The following OPCML variants were observed in gnomAD, a reference collection of about 807,000 sequenced individuals.
The protein encoded by OPCML is opioid-binding protein/cell adhesion molecule.
In OPCML, 13 loss-of-function variants were observed where a neutral mutation model predicts 37.8. The observed-to-expected ratio is 0.34, with a 90% CI of 0.22 to 0.55. OPCML has a LOEUF of 0.55. OPCML is among the 20% of genes least tolerant of loss of function. The pLI is 0.91. For synonymous variants in OPCML, 176 were observed against 168.8 expected, an observed-to-expected ratio of 1.04 and a Z score of -0.33; for missense variants, 341 against 435.6, an observed-to-expected ratio of 0.78 and a Z score of 1.93.
chr11:133,457,221 C>G (rs867248952), intron 1 of OPCML, among the ~76,000 whole-genome samples: 6 of 152,098 alleles, frequency 3.9e-5, no homozygotes, highest in African/African-American at 4.8e-5. Flanking sequence ...AGATGCTAAA[C>G]GTTTTCTTAA....
chr11:133,007,170 C>G (rs1390253236), intron 1 of OPCML: 1 of 985,422 alleles, frequency 1.0e-6, no homozygotes, highest in South Asian at 4.7e-5. Flanking sequence ...CAGATTGTGG[C>G]CTTGGGGACT....
At chr11:132,896,052 C>A (rs1943829196) in intron 2 of OPCML, among the ~76,000 whole-genome samples, 2 of 152,212 alleles carry the variant, frequency 1.3e-5, no homozygotes, top group Middle Eastern at 6.9e-3. Context: ...ACCCTCAGAG[C>A]CGAGGTCCTC....
At chr11:132,429,034 G>GGATGGAT in intron 7 of OPCML, among the ~76,000 whole-genome samples, 1 of 146,580 alleles carries the variant, frequency 6.8e-6, no homozygotes, top group African/African-American at 2.5e-5. Flanking sequence ...AATGGATGGA[G>GGATGGAT]GGATGGATGG....
intron 1 of OPCML, among the ~76,000 whole-genome samples, chr11:133,358,617 A>T (rs973359706): frequency 6.6e-6 from 1 of 152,208 alleles, no homozygotes; most frequent in Non-Finnish European, 1.5e-5. Flanking sequence ...ACAAGGATGC[A>T]AATAAACTCT....
intron 1 of OPCML, chr11:133,117,712 A>G (rs1202526937): frequency 4.7e-6 from 4 of 858,880 alleles, no homozygotes; most frequent in Non-Finnish European, 5.6e-6. Flanking sequence ...CAAAATAAAA[A>G]AAGTATTATC....
chr11:132,992,722 C>T (rs977988365), intron 1 of OPCML, among the ~76,000 whole-genome samples: 1 of 152,106 alleles, frequency 6.6e-6, no homozygotes, highest in Non-Finnish European at 1.5e-5. Context: ...GATTAAAGGG[C>T]AAAAATGACA....
intron 3 of OPCML, among the ~76,000 whole-genome samples, chr11:132,596,026 T>A (rs1400087394): frequency 6.6e-6 from 1 of 152,194 alleles, no homozygotes; most frequent in Non-Finnish European, 1.5e-5. Flanking sequence ...ATCAGTTAGA[T>A]CTGGATACTG....
Position 133,211,586 on chromosome 11 carries a change from G to A in OPCML, c.62-268576C>T, listed in dbSNP as rs1448733114. The stretch of plus-strand genomic sequence containing the variant: ...TAACTATGCTTTGGCATCAACAGTG[G>A]AACATGGTTTCCTAGAAGGGAGCTG... On this transcript the variant is annotated intron_variant, in intron 1 of 7. Transcript: ENST00000524381. The surrounding 1 kb of genome is among the most constrained non-coding windows in gnomAD (Gnocchi z 4.1). Among the ~76,000 whole-genome samples, 1 of 152,152 alleles carries A rather than the reference G, an allele frequency of 6.6e-6. No individual in the cohort carries two copies. Among genetic ancestry groups the A allele is most frequent in the African/African-American group, 2.4e-5 (1 of 41,444 alleles).
intron 1 of OPCML, among the ~76,000 whole-genome samples, chr11:133,265,738 G>C (rs557781443): frequency 4.6e-5 from 7 of 152,134 alleles, no homozygotes; most frequent in African/African-American, 1.7e-4. Context: ...CGCTGCCGGC[G>C]CTCCTCCCAG....
At chr11:132,975,332 T>C (rs1463631256) in intron 1 of OPCML, among the ~76,000 whole-genome samples, 11 of 150,930 alleles carry the variant, frequency 7.3e-5, no homozygotes, top group African/African-American at 2.7e-4. Flanking sequence ...TCTGATGAAG[T>C]GACATTTCAT....
intron 2 of OPCML, among the ~76,000 whole-genome samples, chr11:132,765,674 G>A (rs58386304): frequency 0.012 from 1,757 of 152,296 alleles, 32 homozygotes; most frequent in African/African-American, 0.039. Flanking sequence ...TGAGGAATAT[G>A]AGTGTGATGG....
intron 2 of OPCML, among the ~76,000 whole-genome samples, chr11:132,682,018 T>C (rs1403283193): frequency 6.6e-6 from 1 of 151,920 alleles, no homozygotes; most frequent in South Asian, 2.1e-4. Flanking sequence ...ATCTGTGATG[T>C]GGCTGGCAAA....
intron 3 of OPCML, among the ~76,000 whole-genome samples, chr11:132,538,450 T>G (rs2096346691): frequency 6.6e-6 from 1 of 152,198 alleles, no homozygotes; most frequent in Admixed American, 6.5e-5. Flanking sequence ...AGCTTCCTAT[T>G]GGAATTATAA....
intron 2 of OPCML, among the ~76,000 whole-genome samples, chr11:132,904,128 G>C (rs1944154581): frequency 6.6e-6 from 1 of 152,154 alleles, no homozygotes; most frequent in Non-Finnish European, 1.5e-5. Flanking sequence ...GAGGAGAAGA[G>C]ATGGACTCAC....
chr11:132,762,585 G>A lies in OPCML; in HGVS notation c.147-105266C>T, dbSNP rs560026944. Among the ~76,000 whole-genome samples the A allele has an allele frequency of 2.2e-4, 33 of 152,264 alleles. No homozygotes were observed. The South Asian group carries it at 4.4e-3, about 20-fold the overall frequency. ...TTGCAGTGGGTTCCACACCAAGTTCGAACTTCCTGGTGGCTTTGTTTACAC... is the reference window on the plus strand; with the variant it reads ...TTGCAGTGGGTTCCACACCAAGTTCAAACTTCCTGGTGGCTTTGTTTACAC... On this transcript the variant is annotated intron_variant, in intron 2 of 7. Transcript: ENST00000524381.
chr11:132,564,033 C>G (rs1433702911), intron 3 of OPCML, among the ~76,000 whole-genome samples: 1 of 152,160 alleles, frequency 6.6e-6, no homozygotes, highest in East Asian at 1.9e-4. Context: ...ACTCACTGGT[C>G]CCTTTTATGG....
At chr11:132,470,645 T>C (rs2136957842) in intron 4 of OPCML, among the ~76,000 whole-genome samples, 1 of 152,296 alleles carries the variant, frequency 6.6e-6, no homozygotes, top group Admixed American at 6.5e-5. Flanking sequence ...CTCATGTCTG[T>C]TGAGTACCCC....
rs569037227 is a variant in OPCML, at chr11:133,417,853, T to C, written c.61+114411A>G. On this transcript the variant is annotated intron_variant, in intron 1 of 7. Coordinates refer to ENST00000524381, the MANE Select transcript of OPCML (RefSeq NM_001012393.5). ...TAAGAAAAATGTGAAAAAGTGGTAA[T>C]TGAGGTCCAGAGAAAGAAATATGTA... Among the ~76,000 whole-genome samples, 4 of 152,176 alleles carry C rather than the reference T, an allele frequency of 2.6e-5. 1 individual carries two copies. In the South Asian group the frequency reaches 6.2e-4, roughly 24 times the overall value.
At chr11:133,007,289 G>A in intron 1 of OPCML, 2 of 985,318 alleles carry the variant, frequency 2.0e-6, no homozygotes, top group Non-Finnish European at 2.4e-6. Context: ...TTATGCTGTT[G>A]CAGGATACAG....
Sources: gnomAD v4.1 joint callset for allele counts (sites outside exome capture counted in the v4.1 genomes callset) on GRCh38, gnomAD v4.1.1 for gene constraint, Gnocchi (gnomAD v3.1) non-coding constraint, MANE v1.5 for transcripts, NCBI Gene and HGNC (gene_info 2026-07-23, HGNC 2026-07-21) for gene names.